OTOGL: variants seen among roughly 807,000 people sequenced by gnomAD.
The protein encoded by OTOGL is otogelin-like protein.
A neutral mutation model predicts 318.5 loss-of-function variants in OTOGL; 285 were observed. The ratio of observed to expected loss-of-function variants is 0.89; its 90% CI spans 0.81 to 0.99. The LOEUF is 0.99. Among genes scored for constraint, OTOGL ranks in the 50% least tolerant of loss-of-function variants. The pLI, the probability that OTOGL is intolerant of heterozygous loss-of-function variation, is 0.00. For missense variants in OTOGL, 2,899 were observed against 2,845.6 expected (o/e 1.02, Z -0.43); for synonymous variants, 987 against 936.5 (o/e 1.05, Z -0.99).
intron 1 of OTOGL, among the ~76,000 whole-genome samples, chr12:80,139,282 A>C (rs1871774627): frequency 1.3e-5 from 2 of 152,152 alleles, no homozygotes; most frequent in Admixed American, 6.6e-5. Context: ...TTACTAAGTT[A>C]GCTGTCCTAA....
chr12:80,256,365 T>C lies in OTOGL; in HGVS notation c.1616T>C (p.Ile539Thr), dbSNP rs1417296493. 1.9e-6 allele frequency: 3 copies of C among 1,595,988 alleles called. No individual in the cohort carries two copies. Among genetic ancestry groups the C allele is most frequent in the Admixed American group, 1.7e-5 (1 of 59,718 alleles). Residue 539 changes from isoleucine (I) to threonine (T), a missense_variant, in exon 17 of 59, where the codon ATA becomes ACA. Physicochemically the swap from Ile to Thr is moderately conservative, Grantham distance 89 (BLOSUM62 -1). This residue lies in a region of OTOGL where 2,607 missense variants were observed against 2,524.9 expected (regional missense o/e 1.03). Transcript: ENST00000547103. Reference protein sequence around the residue: ...QNLGLVCLQSITLILEDDFNK... With the variant: ...QNLGLVCLQSTTLILEDDFNK... Reference sequence around the variant, plus strand: ...CTTGGCTTGGTCTGCCTTCAGTCTATAACTCTGATTCTGGAGGATGATTTT... The same window carrying C: ...CTTGGCTTGGTCTGCCTTCAGTCTACAACTCTGATTCTGGAGGATGATTTT...
chr12:80,363,614 C>A (rs1415047727), intron 52 of OTOGL, among the ~76,000 whole-genome samples: 1 of 152,098 alleles, frequency 6.6e-6, no homozygotes, highest in Non-Finnish European at 1.5e-5. Context: ...CACCAAGAAT[C>A]CAAGATTACT....
At chr12:80,376,520 T>G (rs988471642) in intron 57 of OTOGL, among the ~76,000 whole-genome samples, 3 of 152,140 alleles carry the variant, frequency 2.0e-5, no homozygotes, top group Non-Finnish European at 4.4e-5. Context: ...CATATTAAGA[T>G]ATCATGAATG....
At chr12:80,272,330 T>A (rs1239876609) in intron 24 of OTOGL, among the ~76,000 whole-genome samples, 1 of 150,478 alleles carries the variant, frequency 6.6e-6, no homozygotes, top group Non-Finnish European at 1.5e-5. Flanking sequence ...TAAGCCTCAA[T>A]TAGGCATTGT....
intron 18 of OTOGL, among the ~76,000 whole-genome samples, chr12:80,259,790 G>C (rs988223060): frequency 1.3e-5 from 2 of 152,012 alleles, no homozygotes. Flanking sequence ...TTGGTTCCAA[G>C]TCTTTGCTAT....
chr12:80,373,360 A>G (rs933842564), intron 57 of OTOGL, among the ~76,000 whole-genome samples: 5 of 152,134 alleles, frequency 3.3e-5, no homozygotes, highest in African/African-American at 4.8e-5. Flanking sequence ...TGAACCCGAG[A>G]GGCGGAGGTT....
chr12:80,282,605 C>G (rs1884317912), intron 26 of OTOGL, among the ~76,000 whole-genome samples: 1 of 151,474 alleles, frequency 6.6e-6, no homozygotes, highest in Non-Finnish European at 1.5e-5. Flanking sequence ...AATACATTCT[C>G]TAAGTATCTT....
At chr12:80,359,250 G>A (rs1890100137) in intron 52 of OTOGL, among the ~76,000 whole-genome samples, 1 of 152,160 alleles carries the variant, frequency 6.6e-6, no homozygotes, top group African/African-American at 2.4e-5. Flanking sequence ...TAATGCCTCT[G>A]TTGTAGAGGA....
In OTOGL at chr12:80,352,788, C is replaced by G. The variant is rs146292938; in HGVS notation, c.5407+352C>G. 1.8e-3 allele frequency among the ~76,000 whole-genome samples: 270 copies of G among 152,300 alleles called. 1 individual carries two copies. The highest frequency in any genetic ancestry group is 6.8e-3 in the Middle Eastern group (2 of 294). ...ACCATTTATAACCCCACCATCTGAG[C>G]ATTTAATTTTTAATAGTATGACTTT... is the stretch of plus-strand genomic sequence containing the variant. On this transcript the variant is annotated intron_variant, in intron 45 of 58. Transcript: ENST00000547103.
intron 36 of OTOGL, 139 bp from the exon 37 acceptor site, chr12:80,328,912 T>G: frequency 9.9e-7 from 1 of 1,009,890 alleles, no homozygotes; most frequent in South Asian, 1.7e-5. Context: ...TTTTAAATCA[T>G]GTAGATCTTC....
intron 1 of OTOGL, among the ~76,000 whole-genome samples, chr12:80,160,565 C>A (rs778183098): frequency 7.2e-5 from 11 of 152,018 alleles, no homozygotes; most frequent in Admixed American, 2.6e-4. Flanking sequence ...TAGCCATAAT[C>A]AAAAAATAAC....
chr12:80,313,435 G>T lies in OTOGL; in HGVS notation c.3451-41G>T, dbSNP rs1351252253. The T allele has an allele frequency of 2.0e-6, 3 of 1,530,808 alleles. No individual in the cohort carries two copies. In the African/African-American group the frequency reaches 4.1e-5, roughly 21 times the overall value. 94.8% of individuals were successfully genotyped at this position (1,530,808 alleles called of 1,614,324 possible). ...GACGGTTGACTTTAAATCATAATCA[G>T]TATCTATTGAAATTAAGTAATCTTT... On this transcript the variant is annotated intron_variant, in intron 30 of 58. Coordinates refer to ENST00000547103, the MANE Select transcript of OTOGL (RefSeq NM_001378609.3).
At chr12:80,228,982 A>C (rs775858953) in intron 7 of OTOGL, among the ~76,000 whole-genome samples, 1 of 152,166 alleles carries the variant, frequency 6.6e-6, no homozygotes, top group Non-Finnish European at 1.5e-5. Context: ...TTTCTCCCAA[A>C]GCATACCATG....
At chr12:80,303,353 C>T (rs1885900203) in intron 28 of OTOGL, among the ~76,000 whole-genome samples, 1 of 152,138 alleles carries the variant, frequency 6.6e-6, no homozygotes, top group South Asian at 2.1e-4. Flanking sequence ...GAACAGGTTT[C>T]ACCGTGTTAG....
At chr12:80,187,484 G>GA in intron 1 of OTOGL, among the ~76,000 whole-genome samples, 1 of 152,220 alleles carries the variant, frequency 6.6e-6, no homozygotes, top group East Asian at 1.9e-4. Flanking sequence ...GAGGTGCACA[G>GA]AAAAAAGCTT....
intron 24 of OTOGL, among the ~76,000 whole-genome samples, chr12:80,277,811 T>C (rs1283504233): frequency 6.6e-6 from 1 of 151,552 alleles, no homozygotes; most frequent in East Asian, 1.9e-4. Context: ...CTATAGACTC[T>C]TTTAAGTAGC....
intron 1 of OTOGL, chr12:80,132,421 C>T (rs1388561423): frequency 6.6e-6 from 1 of 152,034 alleles, no homozygotes; most frequent in East Asian, 1.9e-4. Flanking sequence ...GCCTAGTGTA[C>T]TGAACTATTT....
In OTOGL at chr12:80,310,696, A is replaced by G; in HGVS notation, c.3419A>G (p.Tyr1140Cys). 1.3e-6 allele frequency: 2 copies of G among 1,590,516 alleles called. No homozygotes were observed. The highest frequency in any genetic ancestry group is 1.7e-6 in the Non-Finnish European group (2 of 1,171,660). The change falls in exon 30 of 59, where the codon TAC becomes TGC. Residue 1140 changes from tyrosine to cysteine, a missense_variant. Coordinates refer to ENST00000547103, the MANE Select transcript of OTOGL (RefSeq NM_001378609.3). ...PYAKKECSIL[Y>C]SDIFASCRNV... ...GCCAAGAAAGAATGCTCCATTTTGT[A>G]CAGTGATATTTTTGCTTCTTGTCGC...
chr12:80,173,136 GCTC>G (rs2137221967), intron 1 of OTOGL, among the ~76,000 whole-genome samples: 1 of 151,516 alleles, frequency 6.6e-6, no homozygotes, highest in Admixed American at 6.6e-5. Context: ...TCCTGATTAA[GCTC>G]CTATCAATAT....
Sources: gnomAD v4.1 joint callset for allele counts (sites outside exome capture counted in the v4.1 genomes callset) on GRCh38, gnomAD v4.1.1 for gene constraint, gnomAD v4.1.1 regional missense constraint, MANE v1.5 for transcripts, NCBI Gene and HGNC (gene_info 2026-07-23, HGNC 2026-07-21) for gene names.